CACNA1C: variants seen among roughly 807,000 people sequenced by gnomAD.
The protein encoded by CACNA1C is calcium voltage-gated channel subunit alpha1 C.
Under a neutral mutation model 229.0 loss-of-function variants are expected in CACNA1C, and 30 were observed. The observed-to-expected ratio is 0.13, with a 90% CI of 0.10 to 0.18. The LOEUF is 0.18. CACNA1C is among the 10% of genes least tolerant of loss of function. The pLI, the probability that CACNA1C is intolerant of heterozygous loss-of-function variation, is 1.00. For synonymous variants in CACNA1C, 1,114 were observed against 1,132.5 expected (o/e 0.98, Z 0.33); for missense variants, 1,658 against 2,845.0 (o/e 0.58, Z 9.49).
chr12:2,421,872 C>T (rs2098982636), intron 3 of CACNA1C, among the ~76,000 whole-genome samples: 1 of 151,666 alleles, frequency 6.6e-6, no homozygotes, highest in Non-Finnish European at 1.5e-5. Context: ...GATCATGCCA[C>T]TGCACTCCAG....
At chr12:2,019,026 G>A (rs895687835) in intron 1 of CACNA1C, among the ~76,000 whole-genome samples, 3 of 152,160 alleles carry the variant, frequency 2.0e-5, no homozygotes, top group Non-Finnish European at 2.9e-5. Flanking sequence ...GATTCTCATG[G>A]CTGCTGTTAA....
chr12:2,303,901 G>A (rs1227918091), intron 3 of CACNA1C, among the ~76,000 whole-genome samples: 1 of 152,222 alleles, frequency 6.6e-6, no homozygotes, highest in African/African-American at 2.4e-5. Flanking sequence ...CTGGGGTAGA[G>A]ACAGGTCTTG....
intron 3 of CACNA1C, among the ~76,000 whole-genome samples, chr12:2,390,338 C>A (rs1405571118): frequency 2.0e-5 from 3 of 152,166 alleles, no homozygotes; most frequent in Non-Finnish European, 4.4e-5. Context: ...GTCATCCTGC[C>A]TGTGATGAGT....
At chr12:2,192,831 G>A (rs148920770) in intron 3 of CACNA1C, among the ~76,000 whole-genome samples, 34 of 152,234 alleles carry the variant, frequency 2.2e-4, no homozygotes, top group African/African-American at 7.5e-4. Flanking sequence ...GATGGGGAGC[G>A]GTGAGGGACA....
At position 2,654,874 on chromosome 12, in the gene CACNA1C, T is replaced by A. The variant is rs1342138625; in HGVS notation, c.4141-273T>A. ...CAGAAGCAGGATCCCGGTCCCAGCA[T>A]CCACCGCTCTCAGCCCCAGCTCCCA... On this transcript the variant is annotated intron_variant, in intron 33 of 46. Transcript: ENST00000399655. This position sits in a 1 kb window ranked among gnomAD's most constrained non-coding sequence, Gnocchi z 4.4. 6.6e-6 allele frequency among the ~76,000 whole-genome samples: 1 copy of A among 152,166 alleles called. No individual in the cohort carries two copies. The highest frequency in any genetic ancestry group is 1.9e-4 in the East Asian group (1 of 5,180).
chr12:2,196,827 T>C (rs894173950), intron 3 of CACNA1C, among the ~76,000 whole-genome samples: 1 of 152,186 alleles, frequency 6.6e-6, no homozygotes, highest in African/African-American at 2.4e-5. Flanking sequence ...AGCCTTCTTA[T>C]GGTCATGGGT....
intron 3 of CACNA1C, among the ~76,000 whole-genome samples, chr12:2,183,054 A>G (rs2096888404): frequency 6.6e-6 from 1 of 152,062 alleles, no homozygotes. Flanking sequence ...AGTATTTTTA[A>G]TAGAAATGGG....
intron 3 of CACNA1C, among the ~76,000 whole-genome samples, chr12:2,435,517 C>T (rs1407033786): frequency 1.3e-5 from 2 of 152,204 alleles, no homozygotes; most frequent in Non-Finnish European, 2.9e-5. Flanking sequence ...GGGTGCTGCT[C>T]ATTTGAATTC....
intron 3 of CACNA1C, among the ~76,000 whole-genome samples, chr12:2,334,507 T>C (rs1182617442): frequency 1.3e-5 from 2 of 152,144 alleles, no homozygotes; most frequent in Non-Finnish European, 2.9e-5. Flanking sequence ...CAAGTCATGG[T>C]TCAGATACTG....
intron 1 of CACNA1C, among the ~76,000 whole-genome samples, chr12:1,972,923 T>C (rs960415079): frequency 6.6e-6 from 1 of 152,218 alleles, no homozygotes; most frequent in African/African-American, 2.4e-5. Flanking sequence ...CAGTAAACAC[T>C]CGAGCAGCAA....
chr12:2,634,394 G>A lies in CACNA1C; in HGVS notation c.3912+14G>A, dbSNP rs372728453. ...ACCGAGGTAAACGTAAGTACATGGC[G>A]TCTGTCCCTAACCGTCCGTGCCTGC... is the stretch of plus-strand genomic sequence containing the variant. On this transcript the variant is annotated intron_variant, in intron 30 of 46. Transcript: ENST00000399655. The A allele has an allele frequency of 3.7e-5, 55 of 1,492,616 alleles. No homozygotes were observed. In the Middle Eastern group the frequency reaches 1.7e-3, roughly 46 times the overall value. 92.5% of individuals were successfully genotyped at this position (1,492,616 alleles called of 1,614,324 possible). A position where few individuals can be genotyped will look rare whatever the true frequency, so the allele number is the denominator to read the frequency against.
At chr12:2,495,763 T>C (rs776956724) in intron 7 of CACNA1C, among the ~76,000 whole-genome samples, 3 of 152,194 alleles carry the variant, frequency 2.0e-5, no homozygotes, top group Non-Finnish European at 2.9e-5. Flanking sequence ...TCCCAGCACC[T>C]TCCCAAAATG....
At chr12:2,622,183 G>A (rs2083602730) in intron 29 of CACNA1C, among the ~76,000 whole-genome samples, 1 of 152,160 alleles carries the variant, frequency 6.6e-6, no homozygotes, top group African/African-American at 2.4e-5. Context: ...GGTCCTCCAG[G>A]CCTTCTAGAA....
intron 3 of CACNA1C, among the ~76,000 whole-genome samples, chr12:2,374,071 G>A (rs1403850831): frequency 6.6e-6 from 1 of 152,160 alleles, no homozygotes. Flanking sequence ...GCCAGGGCTG[G>A]GCCTCTGGTG....
rs568717070 is a variant in CACNA1C at position 2,669,121 on chromosome 12, A to G, written c.4726+86A>G. ...GAGCTCGGCAGCCTGCAAAGTGCTC[A>G]AGGGAACTTCCTGCCCCAGACAGCA... On this transcript the variant is annotated intron_variant, in intron 38 of 46. Coordinates refer to ENST00000399655, the MANE Select transcript of CACNA1C (RefSeq NM_000719.7). The G allele has an allele frequency of 8.5e-6, 8 of 945,276 alleles. 1 individual carries two copies. The highest frequency in any genetic ancestry group is 2.1e-4 in the Middle Eastern group (1 of 4,844). The allele number at this position is 945,276 out of a possible 1,614,324, so 58.6% of individuals were successfully genotyped here. A position where few individuals can be genotyped will look rare whatever the true frequency, so the allele number is the denominator to read the frequency against.
intron 5 of CACNA1C, among the ~76,000 whole-genome samples, chr12:2,471,062 C>T (rs1567880040): frequency 6.6e-6 from 1 of 152,166 alleles, no homozygotes; most frequent in South Asian, 2.1e-4. Flanking sequence ...GAATTCCTGA[C>T]CTCAGGTTAT....
chr12:2,266,276 G>A (rs1291078562), intron 3 of CACNA1C, among the ~76,000 whole-genome samples: 1 of 152,214 alleles, frequency 6.6e-6, no homozygotes, highest in Non-Finnish European at 1.5e-5. Flanking sequence ...CAGTACTGGG[G>A]GCATATGGCC....
intron 3 of CACNA1C, among the ~76,000 whole-genome samples, chr12:2,289,717 G>T (rs1167799858): frequency 6.6e-6 from 1 of 151,932 alleles, no homozygotes; most frequent in African/African-American, 2.4e-5. Flanking sequence ...GTGCCATATG[G>T]GCAATGATCC....
chr12:2,414,693 A>G (rs1215858203), intron 3 of CACNA1C, among the ~76,000 whole-genome samples: 1 of 152,126 alleles, frequency 6.6e-6, no homozygotes, highest in Non-Finnish European at 1.5e-5. Flanking sequence ...CGAGCTCATT[A>G]AAGGCTCTGA....
Sources: gnomAD v4.1 joint callset for allele counts (sites outside exome capture counted in the v4.1 genomes callset) on GRCh38, gnomAD v4.1.1 for gene constraint, Gnocchi (gnomAD v3.1) non-coding constraint, MANE v1.5 for transcripts, NCBI Gene and HGNC (gene_info 2026-07-23, HGNC 2026-07-21) for gene names.